Variants in BTBD7 observed in about 807,000 individuals in gnomAD.
BTBD7 encodes BTB domain containing 7.
Under a neutral mutation model 99.9 loss-of-function variants are expected in BTBD7, and 38 were observed. That is an observed-to-expected ratio of 0.38 (90% CI 0.29 to 0.50). The LOEUF (loss-of-function observed/expected upper bound fraction) is 0.50. Among genes scored for constraint, BTBD7 ranks in the 20% least tolerant of loss-of-function variants. The pLI is 0.93. For missense variants in BTBD7, 1,170 were observed against 1,394.6 expected (o/e 0.84, Z 2.57); for synonymous variants, 520 against 511.4 (o/e 1.02, Z -0.23).
intron 1 of BTBD7, among the ~76,000 whole-genome samples, chr14:93,312,234 T>C (rs2053146158): frequency 6.6e-6 from 1 of 152,172 alleles, no homozygotes; most frequent in African/African-American, 2.4e-5. Context: ...ATTTCATATA[T>C]TCTCCCCACA....
chr14:93,281,391 C>A (rs1160007917), intron 3 of BTBD7, among the ~76,000 whole-genome samples: 1 of 152,174 alleles, frequency 6.6e-6, no homozygotes, highest in Non-Finnish European at 1.5e-5. Context: ...CCCGCCTCAG[C>A]CTCCCAAACT....
At chr14:93,277,851 T>C (rs893992021) in intron 3 of BTBD7, among the ~76,000 whole-genome samples, 11 of 152,232 alleles carry the variant, frequency 7.2e-5, no homozygotes, top group African/African-American at 2.6e-4. Flanking sequence ...ACACCTATAA[T>C]GAGAACAGAA....
At chr14:93,306,355 C>T (rs2139794460) in intron 1 of BTBD7, among the ~76,000 whole-genome samples, 1 of 151,666 alleles carries the variant, frequency 6.6e-6, no homozygotes, top group South Asian at 2.1e-4. Flanking sequence ...CGCCTATAAT[C>T]CCAGCACTTT....
chr14:93,297,699 T>C (rs1166336574), intron 1 of BTBD7, among the ~76,000 whole-genome samples: 1 of 152,226 alleles, frequency 6.6e-6, no homozygotes, highest in African/African-American at 2.4e-5. Context: ...ATCAGGCTTT[T>C]ATAGTGGTTC....
At chr14:93,282,015 C>A (rs1036300871) in intron 3 of BTBD7, among the ~76,000 whole-genome samples, 2 of 152,090 alleles carry the variant, frequency 1.3e-5, no homozygotes, top group African/African-American at 4.8e-5. Flanking sequence ...GTGCTCAATA[C>A]ATTCTTGTTT....
intron 1 of BTBD7, among the ~76,000 whole-genome samples, chr14:93,326,207 C>A (rs1004897731): frequency 1.3e-5 from 2 of 152,186 alleles, no homozygotes; most frequent in Non-Finnish European, 2.9e-5. Context: ...TGGCTCACAC[C>A]TATAATCCCA....
chr14:93,313,679 TACAC>T (rs57711099), intron 1 of BTBD7, among the ~76,000 whole-genome samples: 9,774 of 145,456 alleles, frequency 0.067, 360 homozygotes, highest in Middle Eastern at 0.12. Context: ...AAAATGAAAC[TACAC>T]ACACACACAC....
chr14:93,264,373 CCTGA>C (rs1366729598), intron 3 of BTBD7, among the ~76,000 whole-genome samples: 1 of 152,180 alleles, frequency 6.6e-6, no homozygotes, highest in Non-Finnish European at 1.5e-5. Flanking sequence ...GTGGATGACA[CCTGA>C]CTGATGAGAG....
intron 1 of BTBD7, among the ~76,000 whole-genome samples, chr14:93,323,913 CTTG>C (rs2053298012): frequency 6.6e-6 from 1 of 152,180 alleles, no homozygotes; most frequent in Non-Finnish European, 1.5e-5. Context: ...ATACCTATTA[CTTG>C]TTGTGTGACA....
intron 3 of BTBD7, among the ~76,000 whole-genome samples, chr14:93,292,732 C>T (rs1048534672): frequency 6.6e-6 from 1 of 152,156 alleles, no homozygotes; most frequent in Admixed American, 6.5e-5. Flanking sequence ...TCACAGCTCA[C>T]TGCAGCCCTG....
intron 3 of BTBD7, among the ~76,000 whole-genome samples, chr14:93,291,199 T>C (rs374213823): frequency 6.6e-6 from 1 of 152,098 alleles, no homozygotes; most frequent in Non-Finnish European, 1.5e-5. Context: ...GAGAGACATA[T>C]GTTGTGGTGA....
chr14:93,301,944 A>C (rs2053009806), intron 1 of BTBD7, among the ~76,000 whole-genome samples: 1 of 152,210 alleles, frequency 6.6e-6, no homozygotes, highest in Non-Finnish European at 1.5e-5. Flanking sequence ...AAGAGCCAGT[A>C]AAGATTTATT....
chr14:93,277,573 T>C (rs1272858722), intron 3 of BTBD7, among the ~76,000 whole-genome samples: 2 of 152,216 alleles, frequency 1.3e-5, no homozygotes, highest in Non-Finnish European at 2.9e-5. Flanking sequence ...GTGTGAAATC[T>C]TTGCCTGTTT....
At chr14:93,306,817 C>CAT (rs1260561847) in intron 1 of BTBD7, among the ~76,000 whole-genome samples, 1 of 152,128 alleles carries the variant, frequency 6.6e-6, no homozygotes, top group Non-Finnish European at 1.5e-5. Context: ...GTATCACTGT[C>CAT]ATATATATCA....
intron 6 of BTBD7, chr14:93,255,526 TGA>T: frequency 6.7e-6 from 1 of 148,506 alleles, no homozygotes; most frequent in African/African-American, 2.6e-5. Flanking sequence ...CTTTTTTTTT[TGA>T]TACAGAGTCT....
intron 1 of BTBD7, among the ~76,000 whole-genome samples, chr14:93,325,014 G>T (rs1329626677): frequency 6.6e-6 from 1 of 151,912 alleles, no homozygotes; most frequent in Non-Finnish European, 1.5e-5. Flanking sequence ...GAGACCTAAG[G>T]TTGAACACAT....
chr14:93,272,009 GACAAA>G (rs1180935645), intron 3 of BTBD7, among the ~76,000 whole-genome samples: 5 of 150,898 alleles, frequency 3.3e-5, no homozygotes, highest in South Asian at 2.1e-4. Flanking sequence ...GTCTTAAAAA[GACAAA>G]ACAAACAAAA....
chr14:93,277,729 A>G (rs1441880622), intron 3 of BTBD7, among the ~76,000 whole-genome samples: 1 of 152,238 alleles, frequency 6.6e-6, no homozygotes, highest in Non-Finnish European at 1.5e-5. Flanking sequence ...AAGTTCCCTG[A>G]TAAGCGTACG....
At chr14:93,330,408 G>A (rs1292806388) in intron 1 of BTBD7, among the ~76,000 whole-genome samples, 2 of 151,918 alleles carry the variant, frequency 1.3e-5, no homozygotes, top group Admixed American at 6.6e-5. Context: ...ACAATCTCTC[G>A]GTAAATCTAA....
Sources: gnomAD v4.1 joint callset for allele counts (sites outside exome capture counted in the v4.1 genomes callset) on GRCh38, gnomAD v4.1.1 for gene constraint, MANE v1.5 for transcripts, NCBI Gene and HGNC (gene_info 2026-07-23, HGNC 2026-07-21) for gene names.